WDR70: variants seen among roughly 807,000 people sequenced by gnomAD.
The protein encoded by WDR70 is WD repeat domain 70.
WDR70 carries 53 observed loss-of-function variants against 88.6 expected under a neutral mutation model. That is an observed-to-expected ratio of 0.60 (90% CI 0.48 to 0.75). The LOEUF (loss-of-function observed/expected upper bound fraction) is 0.75, where lower values mean the gene tolerates loss of function less well. Among genes scored for constraint, WDR70 ranks in the 30% least tolerant of loss-of-function variants. WDR70 has a pLI of 0.00. For synonymous variants in WDR70, 280 were observed against 270.0 expected, an observed-to-expected ratio of 1.04 and a Z score of -0.36; for missense variants, 610 against 823.2, an observed-to-expected ratio of 0.74 and a Z score of 3.17.
intron 5 of WDR70, among the ~76,000 whole-genome samples, chr5:37,403,242 C>T (rs1749256270): frequency 6.6e-6 from 1 of 152,064 alleles, no homozygotes; most frequent in South Asian, 2.1e-4. Flanking sequence ...GCCACTGTGC[C>T]CGGTCCCCAA....
At chr5:37,742,202 T>G (rs28874633) in intron 17 of WDR70, among the ~76,000 whole-genome samples, 19,089 of 151,836 alleles carry the variant, frequency 0.13, 2,520 homozygotes, top group African/African-American at 0.34. Context: ...TACATTACTA[T>G]CTATAGCATG....
At chr5:37,431,770 C>T (rs934104910) in intron 5 of WDR70, among the ~76,000 whole-genome samples, 5 of 152,206 alleles carry the variant, frequency 3.3e-5, no homozygotes, top group South Asian at 4.1e-4. Context: ...CTCTATTAAT[C>T]GGACTGCTCT....
chr5:37,391,041 A>G lies in WDR70; in HGVS notation c.176-959A>G, dbSNP rs1748803721. Among the ~76,000 whole-genome samples, 3 of 152,284 alleles carry G rather than the reference A, an allele frequency of 2.0e-5. No homozygotes were observed. The South Asian group carries it at 6.2e-4, about 32-fold the overall frequency. On this transcript the variant is annotated intron_variant, in intron 3 of 17. Coordinates refer to ENST00000265107, the MANE Select transcript of WDR70 (RefSeq NM_018034.4). ...AAGAAGTGCTAAATTTATGTTTTAA[A>G]ACATTAGAAAGTTAATTACCTAAAA...
intron 10 of WDR70, among the ~76,000 whole-genome samples, chr5:37,615,071 A>G (rs1744296906): frequency 6.6e-6 from 1 of 152,106 alleles, no homozygotes; most frequent in South Asian, 2.1e-4. Context: ...TTGAGGGATA[A>G]GGGAAGGAAC....
At chr5:37,515,690 T>A (rs554852546) in intron 8 of WDR70, among the ~76,000 whole-genome samples, 9 of 152,376 alleles carry the variant, frequency 5.9e-5, no homozygotes, top group African/African-American at 1.9e-4. Flanking sequence ...ATTTTACTTC[T>A]TTAATCATAG....
At chr5:37,459,487 T>C (rs1340187241) in intron 7 of WDR70, among the ~76,000 whole-genome samples, 1 of 124,504 alleles carries the variant, frequency 8.0e-6, no homozygotes, top group Non-Finnish European at 1.7e-5. Context: ...GCTAGCCATA[T>C]GTAGAAAGCT....
chr5:37,383,980 C>T (rs1748516939), intron 3 of WDR70, among the ~76,000 whole-genome samples: 1 of 152,126 alleles, frequency 6.6e-6, no homozygotes, highest in Admixed American at 6.5e-5. Context: ...CAGTTCATGG[C>T]TAGCATTACT....
At chr5:37,454,538 G>A (rs941050439) in intron 7 of WDR70, among the ~76,000 whole-genome samples, 1 of 152,074 alleles carries the variant, frequency 6.6e-6, no homozygotes, top group African/African-American at 2.4e-5. Context: ...CTACTGTTTT[G>A]CGTTTCTGAG....
At chr5:37,402,356 T>C (rs1169839294) in intron 5 of WDR70, among the ~76,000 whole-genome samples, 4 of 151,056 alleles carry the variant, frequency 2.6e-5, no homozygotes, top group Admixed American at 2.0e-4. Flanking sequence ...ATTCATTTAT[T>C]GATGGACACG....
chr5:37,383,447 A>T (rs1193298708), intron 3 of WDR70, among the ~76,000 whole-genome samples: 3 of 151,296 alleles, frequency 2.0e-5, no homozygotes, highest in Non-Finnish European at 4.4e-5. Context: ...TTTTTAGTGG[A>T]GACGGGGTTT....
In WDR70 at chr5:37,722,849, CG is replaced by C; in HGVS notation, c.1518-5del. ...AAAGAAAATAATTTGCTTTTACACCCGTTAGGGGAGCAAAATTATGTGTGGT... is the reference window on the plus strand; with the variant it reads ...AAAGAAAATAATTTGCTTTTACACCCTTAGGGGAGCAAAATTATGTGTGGT... On this transcript the variant is annotated splice_region_variant and splice_polypyrimidine_tract_variant and intron_variant, in intron 14 of 17. Coordinates refer to ENST00000265107, the MANE Select transcript of WDR70 (RefSeq NM_018034.4). The C allele has an allele frequency of 6.2e-7, 1 of 1,613,216 alleles. No individual in the cohort carries two copies. Among genetic ancestry groups the C allele is most frequent in the Non-Finnish European group, 8.5e-7 (1 of 1,179,510 alleles).
At chr5:37,607,058 C>G (rs1744051533) in intron 10 of WDR70, among the ~76,000 whole-genome samples, 1 of 151,256 alleles carries the variant, frequency 6.6e-6, no homozygotes, top group Non-Finnish European at 1.5e-5. Flanking sequence ...TATGCCTCAG[C>G]CTCCTGAGTG....
intron 6 of WDR70, among the ~76,000 whole-genome samples, chr5:37,438,810 G>A (rs1279037927): frequency 6.6e-6 from 1 of 151,908 alleles, no homozygotes; most frequent in African/African-American, 2.4e-5. Flanking sequence ...TATTTTAAAT[G>A]AAATGGAAAA....
At position 37,579,392 on chromosome 5, in the gene WDR70, C is replaced by G. The variant is rs1012178975; in HGVS notation, c.918-25672C>G. ...TGAGGTCAAGAGATTGAGACCATCCCGGCCAACATGGTGAAACCCCGTCTC... is the reference window on the plus strand; with the variant it reads ...TGAGGTCAAGAGATTGAGACCATCCGGGCCAACATGGTGAAACCCCGTCTC... On this transcript the variant is annotated intron_variant, in intron 9 of 17. Transcript: ENST00000265107. Among the ~76,000 whole-genome samples the G allele has an allele frequency of 4.0e-5, 6 of 151,626 alleles. No homozygotes were observed. In the South Asian group the frequency reaches 1.2e-3, roughly 32 times the overall value.
At chr5:37,439,586 A>T (rs1750588796) in intron 6 of WDR70, among the ~76,000 whole-genome samples, 2 of 151,780 alleles carry the variant, frequency 1.3e-5, no homozygotes, top group Non-Finnish European at 1.5e-5. Flanking sequence ...TACACATTGA[A>T]AATCAATTAG....
chr5:37,678,894 CA>C (rs1746325751), intron 10 of WDR70, among the ~76,000 whole-genome samples: 1 of 152,226 alleles, frequency 6.6e-6, no homozygotes, highest in African/African-American at 2.4e-5. Context: ...TTGGTCTTTT[CA>C]CATAGTCCCA....
At chr5:37,605,576 A>C (rs762188038) in intron 10 of WDR70, among the ~76,000 whole-genome samples, 1 of 152,232 alleles carries the variant, frequency 6.6e-6, no homozygotes, top group Non-Finnish European at 1.5e-5. Flanking sequence ...AATATAAAAC[A>C]ACACTAAGCA....
intron 9 of WDR70, among the ~76,000 whole-genome samples, chr5:37,559,437 CCTT>C (rs1742418528): frequency 6.6e-6 from 1 of 152,172 alleles, no homozygotes. Context: ...TTCTCCTCCT[CCTT>C]CATCTCACTT....
At chr5:37,742,577 A>G (rs1748517215) in intron 17 of WDR70, among the ~76,000 whole-genome samples, 1 of 151,990 alleles carries the variant, frequency 6.6e-6, no homozygotes, top group South Asian at 2.1e-4. Context: ...GAAGTTTTTA[A>G]TTTTGATGTA....
Sources: gnomAD v4.1 joint callset for allele counts (sites outside exome capture counted in the v4.1 genomes callset) on GRCh38, gnomAD v4.1.1 for gene constraint, MANE v1.5 for transcripts, NCBI Gene and HGNC (gene_info 2026-07-23, HGNC 2026-07-21) for gene names.